Variants in SLC41A3 observed in about 807,000 individuals in gnomAD.
SLC41A3 encodes solute carrier family 41 member 3, also known as SLC41A1-like 2.
Under a neutral mutation model 45.4 loss-of-function variants are expected in SLC41A3, and 44 were observed. The observed-to-expected ratio is 0.97, with a 90% CI of 0.76 to 1.25. The LOEUF (loss-of-function observed/expected upper bound fraction) is 1.25. Among genes scored for constraint, SLC41A3 ranks in the 50% most tolerant of loss-of-function variants. The probability of loss-of-function intolerance (pLI) is 0.00; values close to 1 mark genes in which losing one functional copy is unlikely to be tolerated. For missense variants in SLC41A3, 550 were observed against 600.6 expected (o/e 0.92, Z 0.88); for synonymous variants, 256 against 252.4 (o/e 1.01, Z -0.13).
chr3:126,036,429 G>A (rs2107789503), intron 3 of SLC41A3, among the ~76,000 whole-genome samples: 1 of 152,232 alleles, frequency 6.6e-6, no homozygotes, highest in South Asian at 2.1e-4. Flanking sequence ...CCCTTCCTAT[G>A]GGGCAGGGGC....
At position 126,063,874 on chromosome 3, in the gene SLC41A3, C is replaced by T. The variant is rs1236985865; in HGVS notation, c.273+4073G>A. Among the ~76,000 whole-genome samples, 7 of 148,950 alleles carry T rather than the reference C, an allele frequency of 4.7e-5. No homozygotes were observed. The Admixed American group carries it at 4.9e-4, about 10-fold the overall frequency. On this transcript the variant is annotated intron_variant, in intron 2 of 10. Coordinates refer to ENST00000360370, the MANE Select transcript of SLC41A3 (RefSeq NM_017836.4). ...GCACATGGGCCCCTCACTTCAACTCCGATGAAGTGACAGGTGGCAAGGTGA... is the reference window on the plus strand; with the variant it reads ...GCACATGGGCCCCTCACTTCAACTCTGATGAAGTGACAGGTGGCAAGGTGA...
chr3:126,050,411 G>A (rs1943250243), intron 3 of SLC41A3, among the ~76,000 whole-genome samples: 1 of 152,210 alleles, frequency 6.6e-6, no homozygotes. Flanking sequence ...TAGCTGGGAA[G>A]GTGTGAGAAG....
At chr3:126,070,099 C>T (rs150087491) in intron 1 of SLC41A3, 14 of 152,214 alleles carry the variant, frequency 9.2e-5, no homozygotes, top group African/African-American at 3.4e-4. Context: ...TTTCCACATC[C>T]ATAGAGCTCC....
At chr3:126,033,715 T>G (rs1941977429) in intron 3 of SLC41A3, 37 bp from the exon 4 acceptor site, 1 of 1,600,670 alleles carries the variant, frequency 6.2e-7, no homozygotes, top group Non-Finnish European at 8.5e-7. Context: ...TAGGACTGGC[T>G]AGGCCCAAAG....
chr3:126,048,977 T>C (rs992231827), intron 3 of SLC41A3, among the ~76,000 whole-genome samples: 1 of 152,186 alleles, frequency 6.6e-6, no homozygotes, highest in Non-Finnish European at 1.5e-5. Context: ...ATAATGTGTC[T>C]GCTCTCCTTT....
intron 2 of SLC41A3, among the ~76,000 whole-genome samples, chr3:126,060,403 G>A (rs1176440062): frequency 7.9e-6 from 1 of 126,644 alleles, no homozygotes; most frequent in Non-Finnish European, 1.7e-5. Flanking sequence ...TGGAAAACAA[G>A]AGCAAAACTC....
At chr3:126,029,579 A>C (rs1005795209) in intron 4 of SLC41A3, among the ~76,000 whole-genome samples, 12 of 152,266 alleles carry the variant, frequency 7.9e-5, no homozygotes, top group Admixed American at 2.0e-4. Context: ...ATAGCAATGC[A>C]AAATGAACTA....
Position 126,015,508 on chromosome 3 carries a change from G to A in SLC41A3, c.956C>T (p.Thr319Ile). ...KQQYKGMAIF[T>I]PVICGVGGNL... Reference sequence around the variant, plus strand: ...CAAATACGTACCACATATGACGGGGGTAAATATCGCCATGCCTTTGTACTG... The same window carrying A: ...CAAATACGTACCACATATGACGGGGATAAATATCGCCATGCCTTTGTACTG... Residue 319 changes from threonine to isoleucine, a missense_variant, in exon 8 of 11, where the codon ACC becomes ATC. By Grantham distance (89) the Thr-to-Ile change is moderately conservative (BLOSUM62 -1). Coordinates refer to ENST00000360370, the MANE Select transcript of SLC41A3 (RefSeq NM_017836.4). The A allele has an allele frequency of 6.2e-7, 1 of 1,614,202 alleles. No individual in the cohort carries two copies. Among genetic ancestry groups the A allele is most frequent in the Non-Finnish European group, 8.5e-7 (1 of 1,180,024 alleles).
intron 3 of SLC41A3, among the ~76,000 whole-genome samples, chr3:126,035,600 G>A (rs898151082): frequency 1.3e-5 from 2 of 152,244 alleles, no homozygotes; most frequent in Non-Finnish European, 2.9e-5. Context: ...CGCAGGGCAA[G>A]GGAGCCGATG....
At chr3:126,023,596 T>A (rs11916804) in intron 5 of SLC41A3, 5 of 152,408 alleles carry the variant, frequency 3.3e-5, no homozygotes, top group African/African-American at 1.2e-4. Context: ...AGTCCTGCAC[T>A]GGGAGCTTAG....
At chr3:126,076,165 CA>C (rs1210952147) in intron 1 of SLC41A3, among the ~76,000 whole-genome samples, 1 of 152,166 alleles carries the variant, frequency 6.6e-6, no homozygotes, top group Non-Finnish European at 1.5e-5. Context: ...AGGAATTAAA[CA>C]GACATTTCTC....
Position 126,026,323 on chromosome 3 carries a change from G to C in SLC41A3, c.598+12C>G. The C allele has an allele frequency of 6.4e-7, 1 of 1,556,478 alleles. No individual in the cohort carries two copies. Among genetic ancestry groups the C allele is most frequent in the Non-Finnish European group, 8.7e-7 (1 of 1,149,280 alleles). On this transcript the variant is annotated intron_variant, in intron 5 of 10. Transcript: ENST00000360370. This position sits in a 1 kb window ranked among gnomAD's most constrained non-coding sequence, Gnocchi z 4.2. ...GGAGCGGGTGGGGGCTCACAGCTGG[G>C]GCATGGCTCACCCAGGGCAAAGGCT...
intron 6 of SLC41A3, among the ~76,000 whole-genome samples, chr3:126,021,344 C>G (rs1028177112): frequency 1.3e-5 from 2 of 152,146 alleles, no homozygotes; most frequent in African/African-American, 4.8e-5. Context: ...TGAAGTGGTG[C>G]ACATGCTCAG....
chr3:126,066,354 C>G (rs971464330), intron 2 of SLC41A3, among the ~76,000 whole-genome samples: 1 of 152,188 alleles, frequency 6.6e-6, no homozygotes, highest in African/African-American at 2.4e-5. Flanking sequence ...TAAACTTCAC[C>G]TGGATTCTTT....
At chr3:126,022,960 G>C (rs763941390) in intron 5 of SLC41A3, 28 bp from the exon 6 acceptor site, 1 of 1,613,058 alleles carries the variant, frequency 6.2e-7, no homozygotes. Flanking sequence ...AGAAACAGCA[G>C]ACTCAAATCC....
At chr3:126,071,511 G>C (rs1343250520) in intron 1 of SLC41A3, among the ~76,000 whole-genome samples, 1 of 152,088 alleles carries the variant, frequency 6.6e-6, no homozygotes, top group Non-Finnish European at 1.5e-5. Flanking sequence ...TTCAACAAAA[G>C]AAAGAGGACT....
chr3:126,093,101 G>T (rs1017015252), intron 1 of SLC41A3, among the ~76,000 whole-genome samples: 2 of 152,126 alleles, frequency 1.3e-5, no homozygotes, highest in East Asian at 3.8e-4. Flanking sequence ...TAGAGGCTTG[G>T]CAGTTCCCTG....
In SLC41A3 at chr3:126,028,199, ACATC is replaced by A. The variant is rs938101848; in HGVS notation, c.454-1724_454-1721del. Reference sequence around the variant, plus strand: ...AAGACAATAGGAAAAGGCCTAGAAGACATCTTAGAGACCTTATTGGCAGCCCCTC... The same window carrying A: ...AAGACAATAGGAAAAGGCCTAGAAGATTAGAGACCTTATTGGCAGCCCCTC... On this transcript the variant is annotated intron_variant, in intron 4 of 10. Coordinates refer to ENST00000360370, the MANE Select transcript of SLC41A3 (RefSeq NM_017836.4). Among the ~76,000 whole-genome samples the A allele has an allele frequency of 7.9e-5, 12 of 152,206 alleles. 1 individual carries two copies. Among genetic ancestry groups the A allele is most frequent in the Non-Finnish European group, 1.5e-5 (1 of 68,028 alleles).
intron 3 of SLC41A3, among the ~76,000 whole-genome samples, chr3:126,046,141 C>T (rs2107847696): frequency 6.6e-6 from 1 of 152,138 alleles, no homozygotes; most frequent in South Asian, 2.1e-4. Context: ...GTAAACATCA[C>T]TGTTAATGGT....
Sources: allele counts gnomAD v4.1 joint callset (sites outside exome capture counted in the v4.1 genomes callset), GRCh38; gene constraint gnomAD v4.1.1; non-coding constraint Gnocchi (gnomAD v3.1); transcripts MANE v1.5; gene names NCBI Gene and HGNC (gene_info 2026-07-23, HGNC 2026-07-21).